The following IQCM variants were observed in gnomAD, a reference collection of about 807,000 sequenced individuals.
The protein encoded by IQCM is IQ domain-containing protein M.
IQCM carries 45 observed loss-of-function variants against 57.6 expected under a neutral mutation model. The observed-to-expected ratio is 0.78, with a 90% CI of 0.62 to 1.00. The LOEUF (loss-of-function observed/expected upper bound fraction) is 1.00. Among genes scored for constraint, IQCM ranks in the 50% least tolerant of loss-of-function variants. The probability of loss-of-function intolerance (pLI) is 0.00; values close to 1 mark genes in which losing one functional copy is unlikely to be tolerated. For missense variants in IQCM, 468 were observed against 511.6 expected, an observed-to-expected ratio of 0.91 and a Z score of 0.82; for synonymous variants, 148 against 158.9, an observed-to-expected ratio of 0.93 and a Z score of 0.51.
intron 5 of IQCM, among the ~76,000 whole-genome samples, chr4:149,701,031 C>A (rs1481590425): frequency 6.6e-6 from 1 of 151,944 alleles, no homozygotes; most frequent in Non-Finnish European, 1.5e-5. Flanking sequence ...TTAGTCATAA[C>A]CCCAAATCCC....
chr4:149,709,259 G>A (rs763614624), intron 5 of IQCM, among the ~76,000 whole-genome samples: 13 of 152,144 alleles, frequency 8.5e-5, no homozygotes, highest in South Asian at 6.2e-4. Flanking sequence ...CATACTAAGC[G>A]TTAGATTCTC....
At chr4:149,447,458 T>C (rs1193608348) in intron 12 of IQCM, among the ~76,000 whole-genome samples, 1 of 151,576 alleles carries the variant, frequency 6.6e-6, no homozygotes, top group Non-Finnish European at 1.5e-5. Flanking sequence ...GAAACATGAA[T>C]GACTAAAATT....
intron 8 of IQCM, among the ~76,000 whole-genome samples, chr4:149,602,787 T>C (rs2150035994): frequency 6.6e-6 from 1 of 152,240 alleles, no homozygotes; most frequent in Non-Finnish European, 1.5e-5. Flanking sequence ...CCTTTTCATA[T>C]ATGATTATCT....
intron 7 of IQCM, among the ~76,000 whole-genome samples, chr4:149,625,742 C>A (rs1337335684): frequency 6.6e-6 from 1 of 152,060 alleles, no homozygotes; most frequent in Non-Finnish European, 1.5e-5. Flanking sequence ...TTTCTATGTC[C>A]AGCTTCTAGG....
intron 2 of IQCM, among the ~76,000 whole-genome samples, chr4:149,770,445 G>A (rs1000258781): frequency 3.3e-5 from 5 of 151,986 alleles, no homozygotes; most frequent in Non-Finnish European, 7.4e-5. Flanking sequence ...TCTTCTGTGA[G>A]GCAAGTATTA....
At chr4:149,615,514 T>C (rs1380756901) in intron 8 of IQCM, among the ~76,000 whole-genome samples, 1 of 152,172 alleles carries the variant, frequency 6.6e-6, no homozygotes, top group African/African-American at 2.4e-5. Flanking sequence ...TCTAATATAA[T>C]TCTAATACAA....
intron 7 of IQCM, among the ~76,000 whole-genome samples, chr4:149,659,570 A>G (rs956761552): frequency 3.9e-5 from 6 of 152,164 alleles, no homozygotes; most frequent in Admixed American, 3.9e-4. Flanking sequence ...ACACTACCTG[A>G]CTTCAAACTA....
At chr4:149,596,237 G>C (rs1753761577) in intron 8 of IQCM, among the ~76,000 whole-genome samples, 1 of 152,188 alleles carries the variant, frequency 6.6e-6, no homozygotes, top group Middle Eastern at 3.4e-3. Flanking sequence ...GCTGTTTCTA[G>C]GAATATGTTC....
intron 5 of IQCM, among the ~76,000 whole-genome samples, chr4:149,705,258 AT>A (rs1764071537): frequency 6.7e-6 from 1 of 148,154 alleles, no homozygotes; most frequent in East Asian, 1.9e-4. Context: ...ATTTATAAAA[AT>A]ATATAAAAAT....
chr4:149,614,625 G>T (rs1048566967), intron 8 of IQCM, among the ~76,000 whole-genome samples: 1 of 151,870 alleles, frequency 6.6e-6, no homozygotes, highest in Non-Finnish European at 1.5e-5. Context: ...TCATTCTAGG[G>T]CATGGGTGTC....
rs531127249 is a variant in IQCM at position 149,650,439 on chromosome 4, C to A, written c.566-29195G>T. Among the ~76,000 whole-genome samples the A allele has an allele frequency of 6.2e-5, 9 of 145,980 alleles. No individual in the cohort carries two copies. In the South Asian group the frequency reaches 2.0e-3, roughly 32 times the overall value. ...TTTTTTTTTGACTCTGTCACCCAGG[C>A]TGGAGTGCAGTGGCGTGATCTTGGT... On this transcript the variant is annotated intron_variant, in intron 7 of 13. Transcript: ENST00000636793.
chr4:149,377,097 C>T lies in IQCM; in HGVS notation c.1391-25031G>A, dbSNP rs563755882. ...TTTTTCTCCAGAATACAGAAAATTT[C>T]TAGTTTTAAAACAAAAAATAAATAA... is the stretch of plus-strand genomic sequence containing the variant. On this transcript the variant is annotated intron_variant, in intron 13 of 13. Transcript: ENST00000636793. 5.0e-4 allele frequency among the ~76,000 whole-genome samples: 76 copies of T among 151,970 alleles called. 1 individual carries two copies. In the South Asian group the frequency reaches 0.016, roughly 32 times the overall value.
rs1740725615 is a variant in IQCM at position 149,481,088 on chromosome 4, A to G, written c.1229-47531T>C. Among the ~76,000 whole-genome samples the G allele has an allele frequency of 2.0e-5, 3 of 151,920 alleles. No individual in the cohort carries two copies. The East Asian group carries it at 5.8e-4, about 29-fold the overall frequency. On this transcript the variant is annotated intron_variant, in intron 12 of 13. Transcript: ENST00000636793. ...AAATGGCTATTCAATTTTTTTGCCCATTTTTTATTAGATTATTAGATTTTT... is the reference window on the plus strand; with the variant it reads ...AAATGGCTATTCAATTTTTTTGCCCGTTTTTTATTAGATTATTAGATTTTT...
intron 2 of IQCM, among the ~76,000 whole-genome samples, chr4:149,743,223 T>C (rs1334499491): frequency 1.3e-5 from 2 of 152,146 alleles, no homozygotes; most frequent in African/African-American, 2.4e-5. Flanking sequence ...TCAGCTTAGG[T>C]TTATGCCAGC....
chr4:149,431,009 T>C (rs1387957586), intron 13 of IQCM, among the ~76,000 whole-genome samples: 1 of 151,846 alleles, frequency 6.6e-6, no homozygotes, highest in Non-Finnish European at 1.5e-5. Context: ...GAGACTAGCC[T>C]GGCCAACATG....
intron 5 of IQCM, among the ~76,000 whole-genome samples, chr4:149,715,533 T>C (rs1047163541): frequency 6.6e-6 from 1 of 152,170 alleles, no homozygotes; most frequent in African/African-American, 2.4e-5. Context: ...ACCGCTGCTC[T>C]TCTCTCCTTT....
chr4:149,690,043 C>A (rs757138550), intron 5 of IQCM, among the ~76,000 whole-genome samples: 2 of 152,082 alleles, frequency 1.3e-5, no homozygotes, highest in African/African-American at 4.8e-5. Flanking sequence ...CCATTTGATC[C>A]AGTAATCTCA....
At chr4:149,542,612 C>T (rs1747964226) in intron 12 of IQCM, among the ~76,000 whole-genome samples, 1 of 151,864 alleles carries the variant, frequency 6.6e-6, no homozygotes, top group South Asian at 2.1e-4. Flanking sequence ...TTATGATAAT[C>T]GAAAGGGATG....
At chr4:149,464,766 T>C (rs1738668982) in intron 12 of IQCM, among the ~76,000 whole-genome samples, 1 of 152,166 alleles carries the variant, frequency 6.6e-6, no homozygotes, top group Non-Finnish European at 1.5e-5. Flanking sequence ...CCACTCAATT[T>C]GGTAGCCACT....
Sources: gnomAD v4.1 joint callset for allele counts (sites outside exome capture counted in the v4.1 genomes callset) on GRCh38, gnomAD v4.1.1 for gene constraint, MANE v1.5 for transcripts, NCBI Gene and HGNC (gene_info 2026-07-23, HGNC 2026-07-21) for gene names.